LARGE1: variants seen among roughly 807,000 people sequenced by gnomAD.
LARGE1 encodes the protein LARGE xylosyl- and glucuronyltransferase 1.
Under a neutral mutation model 87.6 loss-of-function variants are expected in LARGE1, and 43 were observed. That is an observed-to-expected ratio of 0.49 (90% CI 0.38 to 0.63). The LOEUF (loss-of-function observed/expected upper bound fraction) is 0.63. Ranked by LOEUF, LARGE1 falls within the 30% of genes least tolerant of loss-of-function variation. LARGE1 has a pLI of 0.00. For missense variants in LARGE1, 802 were observed against 1,000.2 expected, an observed-to-expected ratio of 0.80 and a Z score of 2.67; for synonymous variants, 434 against 394.6, an observed-to-expected ratio of 1.10 and a Z score of -1.18.
intron 6 of LARGE1, among the ~76,000 whole-genome samples, chr22:33,556,572 C>CAGGCAGGCAGGCAGGA (rs1280965549): frequency 2.1e-5 from 1 of 46,630 alleles, no homozygotes; most frequent in East Asian, 3.8e-4. Flanking sequence ...GGGAGGCAGG[C>CAGGCAGGCAGGCAGGA]AGGCAGGCAG....
At chr22:33,258,067 C>A (rs1927412086) in intron 11 of LARGE1, among the ~76,000 whole-genome samples, 1 of 152,066 alleles carries the variant, frequency 6.6e-6, no homozygotes, top group Admixed American at 6.6e-5. Flanking sequence ...CCTGCTCTGT[C>A]CCCCAGGCTG....
At chr22:33,741,985 T>C (rs528109920) in intron 2 of LARGE1, among the ~76,000 whole-genome samples, 1 of 152,202 alleles carries the variant, frequency 6.6e-6, no homozygotes, top group African/African-American at 2.4e-5. Context: ...AACGTACCAG[T>C]TGTCACCAAC....
intron 1 of LARGE1, among the ~76,000 whole-genome samples, chr22:33,878,119 T>C (rs1569007148): frequency 7.0e-6 from 1 of 142,060 alleles, no homozygotes; most frequent in African/African-American, 2.6e-5. Flanking sequence ...ATGTTGTTTA[T>C]ATTGTATTTC....
the LARGE1 span, among the ~76,000 whole-genome samples, chr22:33,068,739 C>G: frequency 2.0e-5 from 3 of 152,198 alleles, no homozygotes; most frequent in Non-Finnish European, 4.4e-5. Flanking sequence ...ACTATCTCTG[C>G]TCATTCATTC....
chr22:33,234,864 T>C (rs1231809539), intron 11 of LARGE1, among the ~76,000 whole-genome samples: 2 of 151,908 alleles, frequency 1.3e-5, no homozygotes, highest in Non-Finnish European at 2.9e-5. Flanking sequence ...ATAATATTAA[T>C]TGTATTTTTT....
chr22:33,886,839 C>G (rs1359043303), intron 1 of LARGE1, among the ~76,000 whole-genome samples: 1 of 152,034 alleles, frequency 6.6e-6, no homozygotes, highest in Non-Finnish European at 1.5e-5. Flanking sequence ...GATACAGTGG[C>G]AAGGAAAACG....
At chr22:33,562,447 G>A (rs1325715453) in intron 6 of LARGE1, among the ~76,000 whole-genome samples, 1 of 152,200 alleles carries the variant, frequency 6.6e-6, no homozygotes. Context: ...CCTCTTCACA[G>A]TGGGGGCCTA....
At chr22:33,220,292 GC>G (rs1465141433) in intron 11 of LARGE1, among the ~76,000 whole-genome samples, 1 of 152,200 alleles carries the variant, frequency 6.6e-6, no homozygotes, top group Non-Finnish European at 1.5e-5. Context: ...ACTGTTAGAA[GC>G]TCGGAGGCTA....
chr22:33,568,720 C>G (rs984486683), intron 5 of LARGE1, among the ~76,000 whole-genome samples: 4 of 133,722 alleles, frequency 3.0e-5, no homozygotes, highest in Admixed American at 1.9e-4. Flanking sequence ...GAGCAGAGAT[C>G]GCACCATTGC....
intron 1 of LARGE1, among the ~76,000 whole-genome samples, chr22:33,775,629 AT>A (rs1036603478): frequency 2.6e-5 from 4 of 152,172 alleles, no homozygotes; most frequent in Non-Finnish European, 5.9e-5. Context: ...AAGTGGGTGG[AT>A]CACCTGAGGT....
At chr22:33,588,746 A>G (rs561035749) in intron 5 of LARGE1, among the ~76,000 whole-genome samples, 20 of 152,188 alleles carry the variant, frequency 1.3e-4, no homozygotes, top group Non-Finnish European at 2.6e-4. Context: ...AGTCAGAGAG[A>G]GAACCTTTGC....
intron 12 of LARGE1, among the ~76,000 whole-genome samples, chr22:33,297,243 A>G (rs1374113421): frequency 4.6e-5 from 7 of 152,158 alleles, no homozygotes; most frequent in African/African-American, 1.7e-4. Context: ...CTGGGGAGAA[A>G]AGAGTCGAAC....
chr22:33,886,009 G>A lies in LARGE1; in HGVS notation c.-83+33986C>T, dbSNP rs1285344297. Among the ~76,000 whole-genome samples, 3 of 152,032 alleles carry A rather than the reference G, an allele frequency of 2.0e-5. No homozygotes were observed. In the South Asian group the frequency reaches 6.2e-4, roughly 32 times the overall value. ...CATGCCGTGGCACTGCAGCCTGGGT[G>A]ACAGAGTGAGACTCTGGTCAATAAA... is the stretch of plus-strand genomic sequence containing the variant. On this transcript the variant is annotated intron_variant, in intron 1 of 14. Transcript: ENST00000397394.
At chr22:33,308,126 C>G (rs1935146374) in intron 11 of LARGE1, among the ~76,000 whole-genome samples, 1 of 152,136 alleles carries the variant, frequency 6.6e-6, no homozygotes, top group South Asian at 2.1e-4. Context: ...CCCATTAAAG[C>G]TGGAAGCCTC....
At chr22:33,417,354 A>G (rs971997953) in intron 7 of LARGE1, among the ~76,000 whole-genome samples, 5 of 152,174 alleles carry the variant, frequency 3.3e-5, no homozygotes, top group African/African-American at 1.2e-4. Context: ...TCCATTTCTA[A>G]TCACCAGTGT....
intron 2 of LARGE1, among the ~76,000 whole-genome samples, chr22:33,703,968 C>T (rs1317461581): frequency 6.6e-6 from 1 of 152,156 alleles, no homozygotes; most frequent in Non-Finnish European, 1.5e-5. Context: ...CAGGCTCAGG[C>T]CAAGTCATGG....
chr22:33,456,553 C>A (rs2068139138), intron 6 of LARGE1, among the ~76,000 whole-genome samples: 1 of 152,178 alleles, frequency 6.6e-6, no homozygotes, highest in South Asian at 2.1e-4. Flanking sequence ...TGTGCTTGAT[C>A]TTTTCCATTT....
chr22:33,466,037 G>T (rs566764612), intron 6 of LARGE1, among the ~76,000 whole-genome samples: 1 of 152,126 alleles, frequency 6.6e-6, no homozygotes, highest in South Asian at 2.1e-4. Context: ...TAGCCTATAC[G>T]TCCCTACCCA....
rs117134456 is a variant in LARGE1, at chr22:33,883,521, T to C, written c.-83+36474A>G. ...CCAAGAAGTAGCCTCGTGATCCTGA[T>C]AAACATGAATCAGCTCATGCATCTC... On this transcript the variant is annotated intron_variant, in intron 1 of 14. Transcript: ENST00000397394. 9.9e-3 allele frequency among the ~76,000 whole-genome samples: 1,501 copies of C among 152,330 alleles called. 17 individuals are homozygous for C. The highest frequency in any genetic ancestry group is 0.012 in the Non-Finnish European group (793 of 68,028).
Sources: gnomAD v4.1 joint callset for allele counts (sites outside exome capture counted in the v4.1 genomes callset) on GRCh38, gnomAD v4.1.1 for gene constraint, MANE v1.5 for transcripts, NCBI Gene and HGNC (gene_info 2026-07-23, HGNC 2026-07-21) for gene names.